Variants in FAM180A observed in about 807,000 individuals in gnomAD.
The protein encoded by FAM180A is protein FAM180A.
FAM180A carries 14 observed loss-of-function variants against 15.3 expected under a neutral mutation model. The ratio of observed to expected loss-of-function variants is 0.92; its 90% CI spans 0.61 to 1.43. The LOEUF (loss-of-function observed/expected upper bound fraction) is 1.43. Ranked by LOEUF, FAM180A falls within the 40% of genes most tolerant of loss-of-function variation. The pLI is 0.00. For synonymous variants in FAM180A, 90 were observed against 96.8 expected, an observed-to-expected ratio of 0.93 and a Z score of 0.41; for missense variants, 200 against 220.8, an observed-to-expected ratio of 0.91 and a Z score of 0.60.
At chr7:135,745,151 G>A (rs1023367313) in intron 1 of FAM180A, among the ~76,000 whole-genome samples, 3 of 151,920 alleles carry the variant, frequency 2.0e-5, no homozygotes, top group Non-Finnish European at 2.9e-5. Context: ...CACCGTGCCC[G>A]GCAGTCAGTG....
chr7:135,731,313 A>G (rs1796777225), intron 3 of FAM180A, among the ~76,000 whole-genome samples: 1 of 152,100 alleles, frequency 6.6e-6, no homozygotes, highest in Non-Finnish European at 1.5e-5. Flanking sequence ...ATAGGCTACC[A>G]TGTTTATCTG....
At position 135,734,186 on chromosome 7, in the gene FAM180A, A is replaced by T. The variant is rs553292319; in HGVS notation, c.311T>A (p.Ile104Asn). 1.2e-4 allele frequency: 189 copies of T among 1,614,182 alleles called. 1 individual carries two copies. The South Asian group carries it at 1.8e-3, about 16-fold the overall frequency. Residue 104 changes from isoleucine to asparagine, a missense_variant, in exon 3 of 4, where the codon ATC becomes AAC. Physicochemically the swap from Ile to Asn is moderately radical, Grantham distance 149. Coordinates refer to ENST00000338588, the MANE Select transcript of FAM180A (RefSeq NM_205855.4). ...NNVIPKSIPD[I>N]RRLSASLSSH... ...GGAGAGGCTGGCGCTGAGCCGGCGG[A>T]TGTCTGGGATGCTCTTGGGGATGAC... is the stretch of plus-strand genomic sequence containing the variant.
chr7:135,731,220 AG>A (rs1796775853), intron 3 of FAM180A, among the ~76,000 whole-genome samples: 1 of 152,146 alleles, frequency 6.6e-6, no homozygotes, highest in Non-Finnish European at 1.5e-5. Context: ...ACTGACTATC[AG>A]GGTATTGCAC....
At chr7:135,734,430 A>T in intron 2 of FAM180A, 111 bp from the exon 3 acceptor site, 1 of 1,004,952 alleles carries the variant, frequency 1.0e-6, no homozygotes. Context: ...AGAGCTTTGG[A>T]ACTCAAGAGA....
chr7:135,732,740 C>CACAA (rs1491285004), intron 3 of FAM180A, among the ~76,000 whole-genome samples: 14 of 138,082 alleles, frequency 1.0e-4, no homozygotes, highest in Non-Finnish European at 1.7e-4. Flanking sequence ...CACACACACA[C>CACAA]AAGAATGTTT....
intron 1 of FAM180A, among the ~76,000 whole-genome samples, chr7:135,743,086 C>T (rs192129627): frequency 1.3e-5 from 2 of 152,316 alleles, no homozygotes; most frequent in African/African-American, 2.4e-5. Context: ...TGATAGAAAA[C>T]GTATTCTTAA....
Position 135,734,527 on chromosome 7 carries a change from T to C in FAM180A, c.178-208A>G, listed in dbSNP as rs545168508. ...GCCTCACTTTCCTTCTCTGTGTAAA[T>C]AATTAGTAACACCATCTACTTCACT... On this transcript the variant is annotated intron_variant, in intron 2 of 3. Coordinates refer to ENST00000338588, the MANE Select transcript of FAM180A (RefSeq NM_205855.4). 2.6e-5 allele frequency among the ~76,000 whole-genome samples: 4 copies of C among 152,298 alleles called. No homozygotes were observed. In the East Asian group the frequency reaches 7.7e-4, roughly 29 times the overall value.
Position 135,737,207 on chromosome 7 carries a change from AAAG to A in FAM180A, c.77-11_77-9del. On this transcript the variant is annotated splice_polypyrimidine_tract_variant and intron_variant, in intron 1 of 3. Coordinates refer to ENST00000338588, the MANE Select transcript of FAM180A (RefSeq NM_205855.4). Reference sequence around the variant, plus strand: ...CGGCAGGGAAGAGCACAGCTGAAAGAAAGAAAACAGTGAGTTCCTGGCTGCTGT... The same window carrying A: ...CGGCAGGGAAGAGCACAGCTGAAAGAAAAACAGTGAGTTCCTGGCTGCTGT... The A allele has an allele frequency of 6.3e-7, 1 of 1,583,714 alleles. No homozygotes were observed. Among genetic ancestry groups the A allele is most frequent in the Non-Finnish European group, 8.6e-7 (1 of 1,167,068 alleles).
At chr7:135,733,229 C>T (rs890921125) in intron 3 of FAM180A, among the ~76,000 whole-genome samples, 2 of 152,172 alleles carry the variant, frequency 1.3e-5, no homozygotes, top group African/African-American at 4.8e-5. Flanking sequence ...TACTGTAGAA[C>T]CTCTGGAAAA....
At chr7:135,736,180 G>A (rs961216874) in intron 2 of FAM180A, among the ~76,000 whole-genome samples, 7 of 151,748 alleles carry the variant, frequency 4.6e-5, no homozygotes, top group Non-Finnish European at 1.5e-5. Flanking sequence ...GTGCCACCAT[G>A]CCCAGCTAAT....
chr7:135,733,245 C>A (rs567486148), intron 3 of FAM180A, among the ~76,000 whole-genome samples: 26 of 152,326 alleles, frequency 1.7e-4, no homozygotes, highest in African/African-American at 6.0e-4. Flanking sequence ...GAAAAATGTT[C>A]ATTCAACCCA....
intron 1 of FAM180A, among the ~76,000 whole-genome samples, chr7:135,741,843 C>T (rs979967587): frequency 1.3e-5 from 2 of 151,560 alleles, no homozygotes; most frequent in African/African-American, 4.9e-5. Flanking sequence ...AAAGAAAAGC[C>T]AAGCAAATGG....
intron 1 of FAM180A, among the ~76,000 whole-genome samples, chr7:135,742,504 G>A (rs563645076): frequency 3.7e-4 from 57 of 152,324 alleles, no homozygotes; most frequent in African/African-American, 1.2e-3. Flanking sequence ...CAGGCTGGCC[G>A]TGGGGTGGGG....
intron 2 of FAM180A, among the ~76,000 whole-genome samples, chr7:135,736,357 A>G (rs537102725): frequency 6.6e-6 from 1 of 152,366 alleles, no homozygotes; most frequent in South Asian, 2.1e-4. Context: ...AGACAGTCCT[A>G]GTGCATGGAG....
intron 1 of FAM180A, among the ~76,000 whole-genome samples, chr7:135,739,396 G>A (rs972267657): frequency 6.6e-6 from 1 of 151,446 alleles, no homozygotes; most frequent in African/African-American, 2.4e-5. Flanking sequence ...GGATCACGAG[G>A]TCAGGAGATC....
intron 3 of FAM180A, among the ~76,000 whole-genome samples, chr7:135,730,728 A>G (rs1796768788): frequency 6.6e-6 from 1 of 152,076 alleles, no homozygotes; most frequent in African/African-American, 2.4e-5. Context: ...GCAAAATAGG[A>G]GACCCTGTTT....
At chr7:135,744,191 G>C (rs376624702) in intron 1 of FAM180A, among the ~76,000 whole-genome samples, 4 of 152,282 alleles carry the variant, frequency 2.6e-5, no homozygotes, top group Admixed American at 6.5e-5. Context: ...TTGACTTTCT[G>C]TAATCTGGGT....
intron 1 of FAM180A, among the ~76,000 whole-genome samples, chr7:135,746,014 A>T (rs1191357265): frequency 6.6e-6 from 1 of 151,152 alleles, no homozygotes; most frequent in Admixed American, 6.6e-5. Flanking sequence ...AAAATGTTAA[A>T]AATGAAAAAA....
intron 1 of FAM180A, among the ~76,000 whole-genome samples, chr7:135,746,143 C>T (rs1157680001): frequency 6.6e-6 from 1 of 152,104 alleles, no homozygotes; most frequent in Non-Finnish European, 1.5e-5. Context: ...ATAGTGACCT[C>T]GGTTTGGCTG....
Sources: gnomAD v4.1 joint callset for allele counts (sites outside exome capture counted in the v4.1 genomes callset) on GRCh38, gnomAD v4.1.1 for gene constraint, MANE v1.5 for transcripts, NCBI Gene and HGNC (gene_info 2026-07-23, HGNC 2026-07-21) for gene names.